The following ATP2A2 variants were observed in gnomAD, a reference collection of about 807,000 sequenced individuals.
ATP2A2 encodes ATPase sarcoplasmic/endoplasmic reticulum Ca2+ transporting 2.
In ATP2A2, 14 loss-of-function variants were observed where a neutral mutation model predicts 109.3. The observed-to-expected ratio is 0.13, with a 90% confidence interval of 0.08 to 0.20. The LOEUF is 0.20. Among genes scored for constraint, ATP2A2 ranks in the 10% least tolerant of loss-of-function variants. The pLI, the probability that ATP2A2 is intolerant of heterozygous loss-of-function variation, is 1.00. For missense variants in ATP2A2, 657 were observed against 1,321.6 expected (o/e 0.50, Z 7.80); for synonymous variants, 506 against 490.9 (o/e 1.03, Z -0.41).
At chr12:110,336,854 T>C (rs576820567) in intron 11 of ATP2A2, among the ~76,000 whole-genome samples, 1 of 152,320 alleles carries the variant, frequency 6.6e-6, no homozygotes, top group African/African-American at 2.4e-5. Flanking sequence ...TCCAGGCTTA[T>C]TCACTCTGCC....
chr12:110,285,905 T>C (rs1304606847), intron 3 of ATP2A2, among the ~76,000 whole-genome samples: 2 of 151,302 alleles, frequency 1.3e-5, no homozygotes, highest in African/African-American at 4.9e-5. Context: ...TAGACCCCCT[T>C]GAGTTAGTGC....
At position 110,334,586 on chromosome 12, in the gene ATP2A2, CT is replaced by C. The variant is rs67776124; in HGVS notation, c.1419+463del. Among the ~76,000 whole-genome samples the C allele has an allele frequency of 9.5e-3, 1,082 of 114,458 alleles. 1 individual carries two copies. The highest frequency in any genetic ancestry group is 0.012 in the African/African-American group (360 of 29,758). 75.1% of individuals were successfully genotyped at this position (114,458 alleles called of 152,430 possible). ...ACTTTCTTTTCCTGTTCAATTAAAC[CT>C]TTTTTTTTTTTTTTTTTTTGAGACA... On this transcript the variant is annotated intron_variant, in intron 11 of 19. Transcript: ENST00000539276.
At chr12:110,313,296 G>C (rs907555907) in intron 5 of ATP2A2, among the ~76,000 whole-genome samples, 3 of 150,334 alleles carry the variant, frequency 2.0e-5, no homozygotes, top group Non-Finnish European at 2.9e-5. Flanking sequence ...CATGTGGTTT[G>C]GGAACCACCT....
At chr12:110,288,296 G>T (rs1330545696) in intron 3 of ATP2A2, among the ~76,000 whole-genome samples, 4 of 151,392 alleles carry the variant, frequency 2.6e-5, no homozygotes, top group Non-Finnish European at 4.4e-5. Flanking sequence ...TACACATAGG[G>T]TCTCACTATG....
At chr12:110,336,059 C>T (rs1486046813) in intron 11 of ATP2A2, among the ~76,000 whole-genome samples, 1 of 152,244 alleles carries the variant, frequency 6.6e-6, no homozygotes, top group African/African-American at 2.4e-5. Context: ...GCCTCATCCT[C>T]AGTGCCCACT....
At position 110,349,148 on chromosome 12, in the gene ATP2A2, C is replaced by T; in HGVS notation, c.*2678C>T. 1.0e-6 allele frequency: 1 copy of T among 985,484 alleles called. No individual in the cohort carries two copies. Among genetic ancestry groups the T allele is most frequent in the Non-Finnish European group, 1.2e-6 (1 of 830,002 alleles). 61.0% of individuals were successfully genotyped at this position (985,484 alleles called of 1,614,324 possible). A position where few individuals can be genotyped will look rare whatever the true frequency, so the allele number is the denominator to read the frequency against. ...GGCCCACTGCTGTTTTGAGCAGGGC[C>T]ACTTGCTCCATTTCACTGAAGGCTT... On this transcript the variant is annotated 3_prime_UTR_variant, in exon 20 of 20. Transcript: ENST00000539276.
At chr12:110,300,088 G>A (rs915083539) in intron 5 of ATP2A2, among the ~76,000 whole-genome samples, 8 of 145,428 alleles carry the variant, frequency 5.5e-5, no homozygotes, top group Admixed American at 3.4e-4. Flanking sequence ...CTGTCCGTCC[G>A]TCTGTCCTTC....
chr12:110,314,336 G>GAAAAAAAAAA (rs398055936), intron 5 of ATP2A2, among the ~76,000 whole-genome samples: 2 of 122,540 alleles, frequency 1.6e-5, no homozygotes, highest in African/African-American at 2.8e-5. Flanking sequence ...CTCAAAAAAA[G>GAAAAAAAAAA]AAAAAAAAAA....
At position 110,302,575 on chromosome 12, in the gene ATP2A2, TTTTTATTAC is replaced by T. The variant is rs1488134238; in HGVS notation, c.463+5840_463+5848del. Among the ~76,000 whole-genome samples the T allele has an allele frequency of 4.6e-3, 525 of 114,764 alleles. 5 individuals are homozygous for T. The highest frequency in any genetic ancestry group is 0.019 in the African/African-American group (511 of 27,330). 75.3% of individuals were successfully genotyped at this position (114,764 alleles called of 152,430 possible). On this transcript the variant is annotated intron_variant, in intron 5 of 19. Transcript: ENST00000539276. ...GGGCTCTGTTTTTCTTTAATTTTTA[TTTTTATTAC>T]TATTATTATTATTATTATTATTATT... is the stretch of plus-strand genomic sequence containing the variant.
Position 110,327,431 on chromosome 12 carries a change from T to C in ATP2A2, c.631-122T>C. On this transcript the variant is annotated intron_variant, in intron 7 of 19. Coordinates refer to ENST00000539276, the MANE Select transcript of ATP2A2 (RefSeq NM_170665.4). The surrounding 1 kb of genome is among the most constrained non-coding windows in gnomAD (Gnocchi z 4.4). ...GTTGTATGGCTGGTTGCTTGAACAGTAGCCAGTGGAAGACCTAGTAGAATG... is the reference window on the plus strand; with the variant it reads ...GTTGTATGGCTGGTTGCTTGAACAGCAGCCAGTGGAAGACCTAGTAGAATG... 2 of 891,362 alleles carry C rather than the reference T, an allele frequency of 2.2e-6. No homozygotes were observed. The highest frequency in any genetic ancestry group is 1.9e-6 in the Non-Finnish European group (1 of 524,484). 55.2% of individuals were successfully genotyped at this position (891,362 alleles called of 1,614,324 possible).
At position 110,332,668 on chromosome 12, in the gene ATP2A2, T is replaced by C. The variant is rs115016152; in HGVS notation, c.1167T>C (p.Tyr389=). Residue 389 remains tyrosine (Y), a synonymous_variant, in exon 9 of 20, where the codon TAT becomes TAC. Coordinates refer to ENST00000539276, the MANE Select transcript of ATP2A2 (RefSeq NM_170665.4). ...LNEFTITGST[Y]APIGEVHKDD... ...AGTTTACCATAACTGGATCAACTTA[T>C]GCACCTATTGGAGAAGTGTGAGTAA... 2.7e-4 allele frequency: 438 copies of C among 1,612,200 alleles called. 1 individual carries two copies. The African/African-American group carries it at 5.3e-3, about 19-fold the overall frequency.
chr12:110,320,306 A>G (rs1877102484), intron 5 of ATP2A2, among the ~76,000 whole-genome samples: 1 of 152,232 alleles, frequency 6.6e-6, no homozygotes, highest in Admixed American at 6.5e-5. Context: ...AGCAGTTACA[A>G]TGCAGAAGTA....
In ATP2A2 at chr12:110,334,142, CAGTG is replaced by C; in HGVS notation, c.1419+3_1419+6del. On this transcript the variant is annotated splice_donor_variant and splice_donor_region_variant and coding_sequence_variant and intron_variant, in exon 11 of 20. Transcript: ENST00000539276. LOFTEE classifies it high-confidence loss of function. ...ATAGAACGTGCAAATGCCTGCAACT[CAGTG>C]AGTATTTGAACCTGGTTTATTGTTC... 6.2e-7 allele frequency: 1 copy of C among 1,613,860 alleles called. No homozygotes were observed. The highest frequency in any genetic ancestry group is 8.5e-7 in the Non-Finnish European group (1 of 1,180,024).
chr12:110,343,731 T>G (rs1879578825), intron 16 of ATP2A2, among the ~76,000 whole-genome samples: 2 of 152,242 alleles, frequency 1.3e-5, no homozygotes, highest in African/African-American at 4.8e-5. Context: ...CACGCTAGGT[T>G]CTGCCTTCCA....
chr12:110,283,704 CTT>C (rs1872383509), intron 3 of ATP2A2, among the ~76,000 whole-genome samples: 2 of 152,090 alleles, frequency 1.3e-5, no homozygotes, highest in African/African-American at 2.4e-5. Context: ...TTACGTTATT[CTT>C]ACAAAAACCA....
rs1555276963 is a variant in ATP2A2 at position 110,293,385 on chromosome 12, T to TTTG, written c.324+1263_324+1264insGTT. Among the ~76,000 whole-genome samples the TTTG allele has an allele frequency of 4.4e-3, 498 of 114,342 alleles. 6 individuals carry two copies. Among genetic ancestry groups the TTTG allele is most frequent in the African/African-American group, 0.018 (470 of 26,040 alleles). The allele number at this position is 114,342 out of a possible 152,430, so 75.0% of individuals were successfully genotyped here. On this transcript the variant is annotated intron_variant, in intron 4 of 19. Transcript: ENST00000539276. ...TCCCGGCCTTTTTTTTTTTTTTTTT[T>TTTG]TTTGTTTGTTTGTTTGTTTGTTTGT...
chr12:110,299,593 C>G (rs1274543038), intron 5 of ATP2A2, among the ~76,000 whole-genome samples: 3 of 152,082 alleles, frequency 2.0e-5, no homozygotes, highest in African/African-American at 7.2e-5. Context: ...AAGAGTGAGC[C>G]TCTGACTTAG....
At chr12:110,343,663 G>A (rs1879571267) in intron 16 of ATP2A2, among the ~76,000 whole-genome samples, 1 of 152,142 alleles carries the variant, frequency 6.6e-6, no homozygotes, top group South Asian at 2.1e-4. Flanking sequence ...TTCTGAATGA[G>A]CAATTAAACA....
At chr12:110,312,067 T>C (rs533582253) in intron 5 of ATP2A2, among the ~76,000 whole-genome samples, 1 of 152,128 alleles carries the variant, frequency 6.6e-6, no homozygotes, top group East Asian at 1.9e-4. Context: ...TAGTCCCTGC[T>C]TCTCGGGAGG....
Sources: gnomAD v4.1 joint callset for allele counts (sites outside exome capture counted in the v4.1 genomes callset) on GRCh38, gnomAD v4.1.1 for gene constraint, Gnocchi (gnomAD v3.1) non-coding constraint, MANE v1.5 for transcripts, NCBI Gene and HGNC (gene_info 2026-07-23, HGNC 2026-07-21) for gene names.